Variants in MYO1E observed in about 807,000 individuals in gnomAD.
The protein encoded by MYO1E is unconventional myosin-Ie.
In MYO1E, 68 loss-of-function variants were observed where a neutral mutation model predicts 151.1. The observed-to-expected ratio is 0.45, with a 90% CI of 0.37 to 0.55. The LOEUF (loss-of-function observed/expected upper bound fraction) is 0.55, where lower values mean the gene tolerates loss of function less well. MYO1E is among the 20% of genes least tolerant of loss of function. The pLI is 0.00. For synonymous variants in MYO1E, 601 were observed against 501.7 expected, an observed-to-expected ratio of 1.20 and a Z score of -2.64; for missense variants, 1,363 against 1,389.3, an observed-to-expected ratio of 0.98 and a Z score of 0.30.
Position 59,306,360 on chromosome 15 carries a change from CTCTT to C in MYO1E, c.4-33915_4-33912del, listed in dbSNP as rs202245738. On this transcript the variant is annotated intron_variant, in intron 1 of 27. Coordinates refer to ENST00000288235, the MANE Select transcript of MYO1E (RefSeq NM_004998.4). ...TTCTAGTTTTCACCTTTTTGTCTTA[CTCTT>C]TCTTTCTCAATAGCCTAGGGCACAT... Among the ~76,000 whole-genome samples the C allele has an allele frequency of 4.2e-3, 646 of 152,256 alleles. 4 individuals are homozygous for C. The highest frequency in any genetic ancestry group is 0.014 in the African/African-American group (588 of 41,538).
At chr15:59,323,999 G>A (rs1012912150) in intron 1 of MYO1E, among the ~76,000 whole-genome samples, 1 of 151,844 alleles carries the variant, frequency 6.6e-6, no homozygotes, top group African/African-American at 2.4e-5. Context: ...AAACAAAAAC[G>A]GAATCCTCGA....
chr15:59,158,890 C>T (rs1287992280), intron 24 of MYO1E, among the ~76,000 whole-genome samples: 7 of 152,130 alleles, frequency 4.6e-5, no homozygotes, highest in African/African-American at 1.7e-4. Flanking sequence ...CAGACTTGTA[C>T]CCTTGACACA....
At chr15:59,283,426 G>A (rs2080369088) in intron 1 of MYO1E, among the ~76,000 whole-genome samples, 2 of 152,138 alleles carry the variant, frequency 1.3e-5, no homozygotes, top group African/African-American at 2.4e-5. Flanking sequence ...GCACAGGTCA[G>A]GCATCATCTT....
intron 26 of MYO1E, among the ~76,000 whole-genome samples, chr15:59,144,845 CTTTT>C (rs2079432026): frequency 1.3e-5 from 2 of 151,154 alleles, no homozygotes; most frequent in African/African-American, 2.5e-5. Context: ...GAAAGAATGA[CTTTT>C]TGTTTTGTTT....
chr15:59,193,418 AGAG>A (rs2079746386), intron 17 of MYO1E, among the ~76,000 whole-genome samples: 1 of 152,328 alleles, frequency 6.6e-6, no homozygotes, highest in East Asian at 1.9e-4. Context: ...TTACATCTTT[AGAG>A]GAGAAGAGAT....
intron 18 of MYO1E, among the ~76,000 whole-genome samples, chr15:59,180,120 TA>T (rs1170301081): frequency 6.6e-6 from 1 of 152,088 alleles, no homozygotes; most frequent in African/African-American, 2.4e-5. Context: ...GATAATATCA[TA>T]AACTTCCTAG....
chr15:59,296,426 CCACCA>C (rs2080448616), intron 1 of MYO1E, among the ~76,000 whole-genome samples: 1 of 152,222 alleles, frequency 6.6e-6, no homozygotes. Context: ...CAATTTGCGG[CCACCA>C]TTACTGTTGC....
rs35196401 is a variant in MYO1E at position 59,303,982 on chromosome 15, C to CTTTT, written c.4-31537_4-31534dup. On this transcript the variant is annotated intron_variant, in intron 1 of 27. Transcript: ENST00000288235. ...TCTCTATTTTCATTTTCTTTTCTTT[C>CTTTT]TTTTTTTTTTTTTTTTTTAGAGGGA... Among the ~76,000 whole-genome samples, 911 of 132,618 alleles carry CTTTT rather than the reference C, an allele frequency of 6.9e-3. 9 individuals are homozygous for CTTTT. Among genetic ancestry groups the CTTTT allele is most frequent in the Non-Finnish European group, 0.011 (678 of 61,696 alleles). The allele number at this position is 132,618 out of a possible 152,430, so 87.0% of individuals were successfully genotyped here.
rs78957343 is a variant in MYO1E at position 59,211,485 on chromosome 15, A to T, written c.1276-885T>A. Among the ~76,000 whole-genome samples the T allele has an allele frequency of 8.4e-3, 1,271 of 151,606 alleles. 19 individuals carry two copies. The highest frequency in any genetic ancestry group is 0.03 in the African/African-American group (1,224 of 40,924). Reference sequence around the variant, plus strand: ...GATTTCAATCAATCCCATGGCTTTAAATACCACCTACAGGCTAATGACCCC... The same window carrying T: ...GATTTCAATCAATCCCATGGCTTTATATACCACCTACAGGCTAATGACCCC... On this transcript the variant is annotated intron_variant, in intron 12 of 27. Transcript: ENST00000288235.
chr15:59,247,464 C>A (rs2080137205), intron 4 of MYO1E, among the ~76,000 whole-genome samples: 1 of 152,186 alleles, frequency 6.6e-6, no homozygotes, highest in Non-Finnish European at 1.5e-5. Context: ...AGTTTTGGAT[C>A]TTGGAATTCT....
intron 8 of MYO1E, among the ~76,000 whole-genome samples, chr15:59,224,124 T>C (rs2079972808): frequency 1.3e-5 from 2 of 152,182 alleles, no homozygotes; most frequent in Non-Finnish European, 2.9e-5. Context: ...CTCCAGAAAG[T>C]TCTACATTAT....
At chr15:59,341,918 T>C (rs1468279287) in intron 1 of MYO1E, among the ~76,000 whole-genome samples, 2 of 152,254 alleles carry the variant, frequency 1.3e-5, no homozygotes, top group African/African-American at 4.8e-5. Context: ...TAGCTAGCTC[T>C]GTTTTTAGTT....
chr15:59,214,211 G>A lies in MYO1E; in HGVS notation c.1275+17C>T, dbSNP rs755692949. 3 of 1,584,084 alleles carry A rather than the reference G, an allele frequency of 1.9e-6. No homozygotes were observed. In the African/African-American group the frequency reaches 4.0e-5, roughly 21 times the overall value. On this transcript the variant is annotated intron_variant, in intron 12 of 27. Coordinates refer to ENST00000288235, the MANE Select transcript of MYO1E (RefSeq NM_004998.4). ...AAATTATAAATAGAATAGGATGAAG[G>A]AAGAGGGACTGCTTACCTGTTCTGC...
At chr15:59,151,379 G>A (rs988457729) in intron 26 of MYO1E, among the ~76,000 whole-genome samples, 9 of 152,082 alleles carry the variant, frequency 5.9e-5, no homozygotes, top group Non-Finnish European at 1.2e-4. Flanking sequence ...GCAGTGAGCT[G>A]AGATTGCACC....
chr15:59,341,570 C>T (rs1457198738), intron 1 of MYO1E, among the ~76,000 whole-genome samples: 2 of 152,144 alleles, frequency 1.3e-5, no homozygotes, highest in Non-Finnish European at 2.9e-5. Flanking sequence ...ATTTTTAGCT[C>T]CCACAAATAA....
rs562222919 is a variant in MYO1E, at chr15:59,296,088, C to T, written c.4-23639G>A. Among the ~76,000 whole-genome samples, 3 of 152,256 alleles carry T rather than the reference C, an allele frequency of 2.0e-5. No individual in the cohort carries two copies. The East Asian group carries it at 5.8e-4, about 29-fold the overall frequency. On this transcript the variant is annotated intron_variant, in intron 1 of 27. Coordinates refer to ENST00000288235, the MANE Select transcript of MYO1E (RefSeq NM_004998.4). ...CATACTAAAAGGTAGCAATTCCAGC[C>T]TAAAAGCCTGTCAGCTTAGCAATGC...
intron 1 of MYO1E, among the ~76,000 whole-genome samples, chr15:59,317,170 T>C (rs1262789180): frequency 6.6e-6 from 1 of 152,228 alleles, no homozygotes; most frequent in African/African-American, 2.4e-5. Context: ...ATGGTCCAGA[T>C]ACTTTGCTAT....
intron 1 of MYO1E, among the ~76,000 whole-genome samples, chr15:59,337,691 G>C (rs1280911401): frequency 6.6e-6 from 1 of 152,140 alleles, no homozygotes; most frequent in African/African-American, 2.4e-5. Context: ...AATTAGCCGG[G>C]CGTGGTGGTT....
At chr15:59,238,188 T>C (rs376791141) in intron 4 of MYO1E, among the ~76,000 whole-genome samples, 27 of 152,288 alleles carry the variant, frequency 1.8e-4, no homozygotes, top group East Asian at 3.9e-4. Flanking sequence ...TTCAACTCCA[T>C]GGGGAAATTA....
Sources: allele counts gnomAD v4.1 joint callset (sites outside exome capture counted in the v4.1 genomes callset), GRCh38; gene constraint gnomAD v4.1.1; transcripts MANE v1.5; gene names NCBI Gene and HGNC (gene_info 2026-07-23, HGNC 2026-07-21).